Variants in CDC42BPA observed in about 807,000 individuals in gnomAD.
CDC42BPA encodes the protein CDC42 binding protein kinase alpha, also known as serine/threonine-protein kinase MRCK alpha.
Under a neutral mutation model 223.5 loss-of-function variants are expected in CDC42BPA, and 80 were observed. The ratio of observed to expected loss-of-function variants is 0.36; its 90% CI spans 0.30 to 0.43. The LOEUF (loss-of-function observed/expected upper bound fraction) is 0.43, where lower values mean the gene tolerates loss of function less well. Ranked by LOEUF, CDC42BPA falls within the 20% of genes least tolerant of loss-of-function variation. CDC42BPA has a pLI of 1.00. For missense variants in CDC42BPA, 1,743 were observed against 2,099.9 expected, an observed-to-expected ratio of 0.83 and a Z score of 3.32; for synonymous variants, 694 against 718.6, an observed-to-expected ratio of 0.97 and a Z score of 0.55.
chr1:227,014,959 T>A (rs1236907574), intron 34 of CDC42BPA, among the ~76,000 whole-genome samples: 1 of 152,156 alleles, frequency 6.6e-6, no homozygotes, highest in Non-Finnish European at 1.5e-5. Context: ...AGTTCTCCAA[T>A]GTTGTACTTT....
intron 2 of CDC42BPA, among the ~76,000 whole-genome samples, chr1:227,249,241 G>GA (rs1191783527): frequency 4.6e-5 from 7 of 152,144 alleles, no homozygotes; most frequent in Non-Finnish European, 1.5e-5. Context: ...GCAGAAGAAG[G>GA]AAATTTGATC....
chr1:227,125,904 A>C (rs1689502242), intron 11 of CDC42BPA, among the ~76,000 whole-genome samples: 2 of 152,176 alleles, frequency 1.3e-5, no homozygotes, highest in African/African-American at 4.8e-5. Flanking sequence ...TCATAAATTT[A>C]TAATAAATGT....
At chr1:227,137,843 T>C (rs1658899989) in intron 10 of CDC42BPA, among the ~76,000 whole-genome samples, 1 of 152,116 alleles carries the variant, frequency 6.6e-6, no homozygotes, top group Admixed American at 6.5e-5. Flanking sequence ...AGGATGATGT[T>C]TATTTCATAG....
chr1:227,191,168 A>G (rs186486899), intron 5 of CDC42BPA, among the ~76,000 whole-genome samples: 79 of 152,188 alleles, frequency 5.2e-4, no homozygotes, highest in African/African-American at 1.8e-3. Flanking sequence ...ACATGGAGAA[A>G]ACCCACCTCT....
intron 34 of CDC42BPA, among the ~76,000 whole-genome samples, chr1:227,009,781 A>G (rs2148423215): frequency 6.6e-6 from 1 of 152,256 alleles, no homozygotes; most frequent in Non-Finnish European, 1.5e-5. Flanking sequence ...AAGCAAACTC[A>G]GGCTTATTTT....
intron 12 of CDC42BPA, among the ~76,000 whole-genome samples, 172 bp downstream of exon 12, chr1:227,119,632 T>C (rs1688313502): frequency 6.6e-6 from 1 of 152,118 alleles, no homozygotes; most frequent in South Asian, 2.1e-4. Context: ...TCTTAATTTC[T>C]AGCTACTAAC....
chr1:227,195,738 T>G (rs971866621), intron 4 of CDC42BPA, among the ~76,000 whole-genome samples: 1 of 152,208 alleles, frequency 6.6e-6, no homozygotes, highest in Admixed American at 6.5e-5. Flanking sequence ...AATTTTATAG[T>G]AAAATTGAAT....
At chr1:227,237,255 T>A (rs1188152164) in intron 2 of CDC42BPA, among the ~76,000 whole-genome samples, 1 of 152,118 alleles carries the variant, frequency 6.6e-6, no homozygotes, top group East Asian at 1.9e-4. Flanking sequence ...CTGGAAAAGT[T>A]ATTACATGGT....
At chr1:227,307,274 G>A (rs977521686) in intron 1 of CDC42BPA, among the ~76,000 whole-genome samples, 4 of 152,154 alleles carry the variant, frequency 2.6e-5, no homozygotes, top group Middle Eastern at 3.4e-3. Flanking sequence ...AAACAGATAC[G>A]CTAAAAAATA....
intron 5 of CDC42BPA, among the ~76,000 whole-genome samples, chr1:227,170,285 C>T (rs1407806910): frequency 6.6e-6 from 1 of 152,086 alleles, no homozygotes; most frequent in African/African-American, 2.4e-5. Context: ...CCCATGCCCA[C>T]AGCTCTGGCT....
chr1:227,181,582 G>A (rs1268285455), intron 5 of CDC42BPA, among the ~76,000 whole-genome samples: 8 of 151,958 alleles, frequency 5.3e-5, no homozygotes, highest in Admixed American at 5.2e-4. Context: ...AGTTTTTGCA[G>A]CTTTTTGTTT....
chr1:227,031,220 T>C (rs1306121044), intron 28 of CDC42BPA, 78 bp downstream of exon 28: 3 of 1,131,928 alleles, frequency 2.7e-6, no homozygotes, highest in Non-Finnish European at 4.0e-6. Flanking sequence ...TGGGGATTCC[T>C]AGATGAAAGC....
intron 23 of CDC42BPA, among the ~76,000 whole-genome samples, chr1:227,046,090 GC>G (rs1672387918): frequency 6.6e-6 from 1 of 152,106 alleles, no homozygotes; most frequent in Non-Finnish European, 1.5e-5. Flanking sequence ...ACAGGTGTGA[GC>G]CACCACGTAT....
rs775194359 is a variant in CDC42BPA at position 227,317,184 on chromosome 1, T to C, written c.-2A>G. On this transcript the variant is annotated 5_prime_UTR_variant, in exon 1 of 37. Coordinates refer to ENST00000366766, the MANE Select transcript of CDC42BPA (RefSeq NM_001394014.1). ...CCTCAAACGCACTTCTCCAGACATG[T>C]TTGCTTCGATTTCTGCTGGTTTTCC... The C allele has an allele frequency of 1.9e-6, 3 of 1,596,904 alleles. No individual in the cohort carries two copies. The highest frequency in any genetic ancestry group is 2.6e-6 in the Non-Finnish European group (3 of 1,172,866).
chr1:226,996,003 C>G (rs142514724), intron 35 of CDC42BPA, among the ~76,000 whole-genome samples: 1 of 152,230 alleles, frequency 6.6e-6, no homozygotes, highest in Admixed American at 6.5e-5. Flanking sequence ...GCACATTTAT[C>G]TAATGACCAC....
chr1:227,107,304 A>G (rs1300806889), intron 14 of CDC42BPA, among the ~76,000 whole-genome samples: 1 of 152,108 alleles, frequency 6.6e-6, no homozygotes. Flanking sequence ...TGTTAAGTGG[A>G]ATTGCTTTCT....
At chr1:227,286,624 T>C (rs898216273) in intron 1 of CDC42BPA, among the ~76,000 whole-genome samples, 7 of 152,304 alleles carry the variant, frequency 4.6e-5, no homozygotes, top group Non-Finnish European at 8.8e-5. Context: ...TTTTCAGTTA[T>C]CTTTATAGCA....
At chr1:227,148,771 G>GAAAAAAAAAAAAAAAAAAAAAAAAA (rs1491285386) in intron 6 of CDC42BPA, among the ~76,000 whole-genome samples, 1 of 7,712 alleles carries the variant, frequency 1.3e-4, no homozygotes, top group Non-Finnish European at 1.9e-4. Flanking sequence ...GGTCTCAAAA[G>GAAAAAAAAAAAAAAAAAAAAAAAAA]CAAAAAAAAA....
rs942323011 is a variant in CDC42BPA, at chr1:227,021,996, G to A, written c.4615+1267C>T. ...GATGGTGCCACTGCACTCCAGCCTC[G>A]CAACAGAGCGAGACTCCGTCTCCCC... On this transcript the variant is annotated intron_variant, in intron 32 of 36. Transcript: ENST00000366766. Among the ~76,000 whole-genome samples, 9 of 151,110 alleles carry A rather than the reference G, an allele frequency of 6.0e-5. No individual in the cohort carries two copies. The East Asian group carries it at 9.8e-4, about 16-fold the overall frequency.
Sources: allele counts gnomAD v4.1 joint callset (sites outside exome capture counted in the v4.1 genomes callset), GRCh38; gene constraint gnomAD v4.1.1; transcripts MANE v1.5; gene names NCBI Gene and HGNC (gene_info 2026-07-23, HGNC 2026-07-21).